SPAG16: variants seen among roughly 807,000 people sequenced by gnomAD.
SPAG16 encodes sperm-associated antigen 16 protein.
SPAG16 carries 86 observed loss-of-function variants against 80.4 expected under a neutral mutation model. That is an observed-to-expected ratio of 1.07 (90% CI 0.90 to 1.28). SPAG16 has a LOEUF of 1.28. Ranked by LOEUF, SPAG16 falls within the 50% of genes most tolerant of loss-of-function variation. The pLI is 0.00. For missense variants in SPAG16, 870 were observed against 765.3 expected, an observed-to-expected ratio of 1.14 and a Z score of -1.61; for synonymous variants, 294 against 265.9, an observed-to-expected ratio of 1.11 and a Z score of -1.03.
chr2:213,912,798 C>T (rs2077734641), intron 11 of SPAG16, among the ~76,000 whole-genome samples: 1 of 152,130 alleles, frequency 6.6e-6, no homozygotes, highest in Non-Finnish European at 1.5e-5. Flanking sequence ...CAGCCTGAAG[C>T]TAAGTGGCCC....
At chr2:213,976,131 T>TAC (rs1283509291) in intron 12 of SPAG16, among the ~76,000 whole-genome samples, 81 of 104,972 alleles carry the variant, frequency 7.7e-4, no homozygotes, top group African/African-American at 3.1e-3. Context: ...TATATATATA[T>TAC]ATATACACAC....
chr2:214,272,187 A>T (rs2125895180), intron 15 of SPAG16, among the ~76,000 whole-genome samples: 1 of 152,312 alleles, frequency 6.6e-6, no homozygotes, highest in Non-Finnish European at 1.5e-5. Flanking sequence ...GATATAAGGT[A>T]TGAAAGTGTT....
chr2:213,817,933 T>C (rs1169162129), intron 10 of SPAG16, among the ~76,000 whole-genome samples: 1 of 152,144 alleles, frequency 6.6e-6, no homozygotes. Context: ...AATATACCCA[T>C]GTAATAAACT....
chr2:213,593,820 G>C (rs1168703321), intron 10 of SPAG16, among the ~76,000 whole-genome samples: 1 of 126,094 alleles, frequency 7.9e-6, no homozygotes, highest in South Asian at 2.6e-4. Context: ...TGTCGCCCAG[G>C]CTGGAGTGCA....
chr2:213,360,480 C>T (rs1004202451), intron 7 of SPAG16, among the ~76,000 whole-genome samples: 12 of 152,206 alleles, frequency 7.9e-5, no homozygotes, highest in African/African-American at 2.7e-4. Flanking sequence ...ACCTACTCTC[C>T]AAATTAGGGC....
At chr2:213,810,352 T>A (rs1575201767) in intron 10 of SPAG16, among the ~76,000 whole-genome samples, 2 of 152,184 alleles carry the variant, frequency 1.3e-5, no homozygotes, top group African/African-American at 4.8e-5. Flanking sequence ...AGAAAGAGTA[T>A]GAGGTCTCCC....
chr2:213,928,554 G>A (rs921657167), intron 11 of SPAG16, among the ~76,000 whole-genome samples: 8 of 152,152 alleles, frequency 5.3e-5, no homozygotes, highest in African/African-American at 1.9e-4. Context: ...CTATGAGCAA[G>A]AAAACAAAAT....
chr2:214,030,709 T>G (rs762021870), intron 13 of SPAG16, among the ~76,000 whole-genome samples: 169 of 152,180 alleles, frequency 1.1e-3, no homozygotes, highest in Non-Finnish European at 1.8e-3. Context: ...AAAATAAACC[T>G]AGGAGACTGT....
At chr2:214,185,612 G>A (rs537026932) in intron 15 of SPAG16, among the ~76,000 whole-genome samples, 20 of 151,954 alleles carry the variant, frequency 1.3e-4, no homozygotes, top group African/African-American at 3.4e-4. Context: ...TTTAAATTTC[G>A]AAGAATGGAC....
chr2:213,330,135 G>A (rs932369500), intron 5 of SPAG16, among the ~76,000 whole-genome samples: 2 of 152,262 alleles, frequency 1.3e-5, no homozygotes, highest in African/African-American at 4.8e-5. Flanking sequence ...CAGTGCGGAA[G>A]GGAAATATGG....
intron 12 of SPAG16, among the ~76,000 whole-genome samples, chr2:213,965,334 G>A (rs1048164069): frequency 3.3e-5 from 5 of 152,164 alleles, no homozygotes; most frequent in African/African-American, 7.2e-5. Context: ...CAACCTCATC[G>A]TAAGTCGAGA....
intron 5 of SPAG16, among the ~76,000 whole-genome samples, chr2:213,322,303 T>C (rs2063649405): frequency 7.3e-6 from 1 of 137,892 alleles, no homozygotes; most frequent in African/African-American, 2.7e-5. Context: ...TCACTAGCAT[T>C]TTATGTCTTC....
At chr2:213,336,123 G>A (rs367802381) in intron 5 of SPAG16, among the ~76,000 whole-genome samples, 17 of 152,168 alleles carry the variant, frequency 1.1e-4, no homozygotes, top group African/African-American at 4.1e-4. Context: ...CAAAGGAGGC[G>A]GTGAGGGATT....
chr2:214,366,576 TG>T (rs1699496505), intron 15 of SPAG16, among the ~76,000 whole-genome samples: 1 of 152,190 alleles, frequency 6.6e-6, no homozygotes, highest in African/African-American at 2.4e-5. Context: ...TAGATAACTC[TG>T]GGGATTTTGG....
At chr2:213,740,594 G>T (rs2067502341) in intron 10 of SPAG16, among the ~76,000 whole-genome samples, 1 of 152,162 alleles carries the variant, frequency 6.6e-6, no homozygotes, top group Non-Finnish European at 1.5e-5. Flanking sequence ...TAAACTCCAG[G>T]GGGAAGTCCC....
chr2:214,049,755 C>T lies in SPAG16; in HGVS notation c.1527+35678C>T, dbSNP rs142920301. Among the ~76,000 whole-genome samples, 36 of 152,264 alleles carry T rather than the reference C, an allele frequency of 2.4e-4. No homozygotes were observed. The East Asian group carries it at 6.8e-3, about 29-fold the overall frequency. ...AAGTTGGACGCAGCCCTGGGGACTC[C>T]TGTGAGCAGTATCTCAGGATGGCAG... On this transcript the variant is annotated intron_variant, in intron 13 of 15. Coordinates refer to ENST00000331683, the MANE Select transcript of SPAG16 (RefSeq NM_024532.5).
At chr2:213,882,139 T>C (rs2076367383) in intron 11 of SPAG16, among the ~76,000 whole-genome samples, 1 of 152,196 alleles carries the variant, frequency 6.6e-6, no homozygotes, top group Admixed American at 6.5e-5. Context: ...TATTTATTGA[T>C]TTGCACATGT....
At chr2:213,505,917 A>G (rs990148411) in intron 10 of SPAG16, among the ~76,000 whole-genome samples, 1 of 151,578 alleles carries the variant, frequency 6.6e-6, no homozygotes, top group Non-Finnish European at 1.5e-5. Context: ...ATTAATATTA[A>G]TAAATCATAT....
chr2:214,060,528 A>T (rs2125176184), intron 13 of SPAG16, among the ~76,000 whole-genome samples: 1 of 152,338 alleles, frequency 6.6e-6, no homozygotes, highest in East Asian at 1.9e-4. Flanking sequence ...TAACAATACA[A>T]CCATAAATCT....
Sources: allele counts gnomAD v4.1 joint callset (sites outside exome capture counted in the v4.1 genomes callset), GRCh38; gene constraint gnomAD v4.1.1; transcripts MANE v1.5; gene names NCBI Gene and HGNC (gene_info 2026-07-23, HGNC 2026-07-21).